The following NUDT21 variants were observed in gnomAD, a reference collection of about 807,000 sequenced individuals.
NUDT21 encodes nudix hydrolase 21, also known as cleavage and polyadenylation specificity factor subunit 5.
A neutral mutation model predicts 29.8 loss-of-function variants in NUDT21; 5 were observed. The observed-to-expected ratio is 0.17, with a 90% CI of 0.09 to 0.35. NUDT21 has a LOEUF of 0.35. Ranked by LOEUF, NUDT21 falls within the 10% of genes least tolerant of loss-of-function variation. The pLI is 1.00. For synonymous variants in NUDT21, 113 were observed against 98.5 expected, an observed-to-expected ratio of 1.15 and a Z score of -0.87; for missense variants, 76 against 276.0, an observed-to-expected ratio of 0.28 and a Z score of 5.13.
At chr16:56,450,649 C>T (rs1283552050) in intron 1 of NUDT21, among the ~76,000 whole-genome samples, 1 of 152,182 alleles carries the variant, frequency 6.6e-6, no homozygotes, top group Non-Finnish European at 1.5e-5. Context: ...GATCTCGAAA[C>T]CTTACTGTCA....
intron 3 of NUDT21, among the ~76,000 whole-genome samples, chr16:56,443,539 C>T (rs1380085962): frequency 1.3e-5 from 2 of 152,190 alleles, no homozygotes; most frequent in Admixed American, 6.5e-5. Flanking sequence ...TCCCTGCCCC[C>T]AAACTCATGT....
chr16:56,448,058 TAAAG>T, intron 1 of NUDT21, 69 bp from the exon 2 acceptor site: 1 of 1,373,862 alleles, frequency 7.3e-7, no homozygotes, highest in Non-Finnish European at 1.0e-6. Context: ...GACATTAGCA[TAAAG>T]AAACCATGGT....
At chr16:56,446,423 T>C in intron 3 of NUDT21, 1 of 493,030 alleles carries the variant, frequency 2.0e-6, no homozygotes, top group Non-Finnish European at 3.6e-6. Context: ...TTACCATTGC[T>C]GTGACACAGT....
At chr16:56,443,876 G>T (rs1424976757) in intron 3 of NUDT21, among the ~76,000 whole-genome samples, 1 of 152,252 alleles carries the variant, frequency 6.6e-6, no homozygotes, top group East Asian at 1.9e-4. Flanking sequence ...CCAGCCTCAG[G>T]TATTCTGTTA....
At chr16:56,432,771 G>A in intron 6 of NUDT21, 38 bp from the exon 7 acceptor site, 2 of 1,413,142 alleles carry the variant, frequency 1.4e-6, no homozygotes, top group East Asian at 2.3e-5. Context: ...ATTAAAGACA[G>A]TACATACTAC....
intron 3 of NUDT21, among the ~76,000 whole-genome samples, chr16:56,442,366 A>T (rs1181585352): frequency 6.6e-6 from 1 of 152,204 alleles, no homozygotes; most frequent in Non-Finnish European, 1.5e-5. Context: ...TTACCCACAC[A>T]CTTGATTTAT....
intron 4 of NUDT21, among the ~76,000 whole-genome samples, chr16:56,436,737 T>A (rs1246279441): frequency 6.6e-6 from 1 of 152,228 alleles, no homozygotes; most frequent in Non-Finnish European, 1.5e-5. Flanking sequence ...TCTTAATGTT[T>A]AAGTTGACTG....
At chr16:56,444,821 A>G (rs1962200659) in intron 3 of NUDT21, among the ~76,000 whole-genome samples, 1 of 152,152 alleles carries the variant, frequency 6.6e-6, no homozygotes, top group South Asian at 2.1e-4. Flanking sequence ...CAATCTAGAT[A>G]CACAGGTTGA....
Position 56,436,720 on chromosome 16 carries a change from T to C in NUDT21, c.472-1891A>G, listed in dbSNP as rs897625242. On this transcript the variant is annotated intron_variant, in intron 4 of 6. Coordinates refer to ENST00000300291, the MANE Select transcript of NUDT21 (RefSeq NM_007006.3). ...TGTTCCTATTTTTTTAAGCCTTTCT[T>C]CTCTGGTCTTAATGTTTAAGTTGAC... Among the ~76,000 whole-genome samples the C allele has an allele frequency of 1.1e-4, 16 of 152,338 alleles. No individual in the cohort carries two copies. The South Asian group carries it at 3.3e-3, about 32-fold the overall frequency.
chr16:56,437,491 C>T (rs1962116012), intron 4 of NUDT21, among the ~76,000 whole-genome samples: 1 of 152,202 alleles, frequency 6.6e-6, no homozygotes, highest in South Asian at 2.1e-4. Flanking sequence ...CCACATTACG[C>T]TACCTCTGAT....
chr16:56,432,955 TA>T (rs751153566), intron 6 of NUDT21, among the ~76,000 whole-genome samples: 5 of 151,964 alleles, frequency 3.3e-5, no homozygotes, highest in African/African-American at 9.7e-5. Flanking sequence ...ATACTTATAA[TA>T]AAAAAAATTA....
At chr16:56,433,272 T>C (rs1962056899) in intron 6 of NUDT21, among the ~76,000 whole-genome samples, 1 of 152,236 alleles carries the variant, frequency 6.6e-6, no homozygotes, top group African/African-American at 2.4e-5. Context: ...TTACTGGCAC[T>C]GTTGTAAGCA....
At chr16:56,434,630 T>C (rs1284792144) in intron 5 of NUDT21, 124 bp downstream of exon 5, 2 of 814,938 alleles carry the variant, frequency 2.5e-6, no homozygotes, top group African/African-American at 3.4e-5. Context: ...AAGCATGGTA[T>C]ACATCTTTAG....
chr16:56,445,734 C>T (rs975665330), intron 3 of NUDT21, among the ~76,000 whole-genome samples: 8 of 152,150 alleles, frequency 5.3e-5, no homozygotes, highest in Non-Finnish European at 1.2e-4. Context: ...TTATAATTTG[C>T]CCATCTGTTT....
At chr16:56,450,605 A>C (rs1327968762) in intron 1 of NUDT21, among the ~76,000 whole-genome samples, 1 of 152,204 alleles carries the variant, frequency 6.6e-6, no homozygotes, top group Non-Finnish European at 1.5e-5. Flanking sequence ...GTGGCACCTA[A>C]AAGGAAGAAA....
chr16:56,434,156 T>C (rs1962067643), intron 6 of NUDT21, among the ~76,000 whole-genome samples, 175 bp downstream of exon 6: 2 of 152,232 alleles, frequency 1.3e-5, no homozygotes. Context: ...CTTAAGAGTC[T>C]GGGGATGGTA....
rs779386598 is a variant in NUDT21 at position 56,451,248 on chromosome 16, G to A, written c.-46C>T. 4.9e-6 allele frequency: 7 copies of A among 1,428,694 alleles called. No homozygotes were observed. Among genetic ancestry groups the A allele is most frequent in the South Asian group, 1.2e-5 (1 of 81,050 alleles). 88.5% of individuals were successfully genotyped at this position (1,428,694 alleles called of 1,614,324 possible). Reference sequence around the variant, plus strand: ...ACGGCGAGCAGAAAGTGGCAGGCAGGGTAGACTTTCCCCGTGCGGGAAGCG... The same window carrying A: ...ACGGCGAGCAGAAAGTGGCAGGCAGAGTAGACTTTCCCCGTGCGGGAAGCG... On this transcript the variant is annotated 5_prime_UTR_variant, in exon 1 of 7. Transcript: ENST00000300291.
At chr16:56,435,743 T>TTATATATATATA (rs777245596) in intron 4 of NUDT21, among the ~76,000 whole-genome samples, 1,555 of 26,944 alleles carry the variant, frequency 0.058, 353 homozygotes, top group Non-Finnish European at 0.068. Context: ...AAAAAAAAAA[T>TTATATATATATA]TATATATATA....
intron 4 of NUDT21, among the ~76,000 whole-genome samples, chr16:56,437,165 T>C (rs1041747411): frequency 3.9e-5 from 6 of 152,202 alleles, no homozygotes; most frequent in African/African-American, 1.4e-4. Context: ...CCCTATCTTC[T>C]TGTCCCTCTG....
Sources: gnomAD v4.1 joint callset for allele counts (sites outside exome capture counted in the v4.1 genomes callset) on GRCh38, gnomAD v4.1.1 for gene constraint, MANE v1.5 for transcripts, NCBI Gene and HGNC (gene_info 2026-07-23, HGNC 2026-07-21) for gene names.